The following POLH variants were observed in gnomAD, a reference collection of about 807,000 sequenced individuals.
The protein encoded by POLH is DNA polymerase eta, also known as DNA polymerase eta transcript.
In POLH, 53 loss-of-function variants were observed where a neutral mutation model predicts 73.6. That is an observed-to-expected ratio of 0.72 (90% CI 0.58 to 0.91). The LOEUF (loss-of-function observed/expected upper bound fraction) is 0.91. Among genes scored for constraint, POLH ranks in the 40% least tolerant of loss-of-function variants. POLH has a pLI of 0.00. For synonymous variants in POLH, 292 were observed against 308.5 expected (o/e 0.95, Z 0.56); for missense variants, 768 against 865.4 (o/e 0.89, Z 1.41).
chr6:43,578,259 C>T (rs1431886119), intron 1 of POLH, among the ~76,000 whole-genome samples: 3 of 152,110 alleles, frequency 2.0e-5, no homozygotes, highest in East Asian at 1.9e-4. Flanking sequence ...TGGTGGCGTG[C>T]GCCTGTAATC....
chr6:43,590,931 A>G (rs1184138168), intron 4 of POLH: 1 of 151,346 alleles, frequency 6.6e-6, no homozygotes, highest in Non-Finnish European at 1.5e-5. Flanking sequence ...GTCTCAAAAA[A>G]AAAAAAGAAA....
At chr6:43,578,994 C>T (rs543813071) in intron 1 of POLH, among the ~76,000 whole-genome samples, 4 of 152,288 alleles carry the variant, frequency 2.6e-5, no homozygotes, top group South Asian at 4.1e-4. Context: ...TACCTATTGC[C>T]TTCATAAAAT....
chr6:43,576,698 G>T (rs796547160), intron 1 of POLH, among the ~76,000 whole-genome samples: 1 of 152,190 alleles, frequency 6.6e-6, no homozygotes, highest in African/African-American at 2.4e-5. Flanking sequence ...AACTTGTTTT[G>T]TGCGGATTGG....
rs548518016 is a variant in POLH, at chr6:43,584,668, A to G, written c.272+1527A>G. Among the ~76,000 whole-genome samples, 235 of 152,180 alleles carry G rather than the reference A, an allele frequency of 1.5e-3. 1 individual carries two copies. Among genetic ancestry groups the G allele is most frequent in the Non-Finnish European group, 2.9e-3 (197 of 68,024 alleles). On this transcript the variant is annotated intron_variant, in intron 3 of 10. Coordinates refer to ENST00000372236, the MANE Select transcript of POLH (RefSeq NM_006502.3). Reference sequence around the variant, plus strand: ...TCAGATTCCACATGTTGAGGGCTCAATACCACAAGAACACCCCCTCCTTCC... The same window carrying G: ...TCAGATTCCACATGTTGAGGGCTCAGTACCACAAGAACACCCCCTCCTTCC...
At chr6:43,581,988 A>C (rs913302480) in intron 1 of POLH, among the ~76,000 whole-genome samples, 2 of 152,208 alleles carry the variant, frequency 1.3e-5, no homozygotes, top group Non-Finnish European at 2.9e-5. Flanking sequence ...TCCAAAATCC[A>C]AAAAATTTTT....
At chr6:43,577,839 C>G (rs1256883338) in intron 1 of POLH, among the ~76,000 whole-genome samples, 1 of 152,070 alleles carries the variant, frequency 6.6e-6, no homozygotes, top group Admixed American at 6.6e-5. Flanking sequence ...AATCCCAGCA[C>G]TTTGGGAGGC....
chr6:43,580,977 GCCGGGCGGGGGGCTGA>G (rs1396969897), intron 1 of POLH, among the ~76,000 whole-genome samples: 1 of 146,244 alleles, frequency 6.8e-6, no homozygotes, highest in African/African-American at 2.6e-5. Flanking sequence ...GGGGCGGCTG[GCCGGGCGGGGGGCTGA>G]CCCCCCCCCA....
Position 43,582,469 on chromosome 6 carries a change from G to T in POLH, c.137+13G>T. ...GGAAGGGTGGTGGGTATGTATCATT[G>T]TTATTGTCACAACTATTCAATGGTA... On this transcript the variant is annotated intron_variant, in intron 2 of 10. Coordinates refer to ENST00000372236, the MANE Select transcript of POLH (RefSeq NM_006502.3). The T allele has an allele frequency of 6.2e-7, 1 of 1,612,564 alleles. No individual in the cohort carries two copies. Among genetic ancestry groups the T allele is most frequent in the Non-Finnish European group, 8.5e-7 (1 of 1,178,584 alleles).
chr6:43,586,716 A>G (rs1764862839), intron 3 of POLH, among the ~76,000 whole-genome samples: 1 of 152,262 alleles, frequency 6.6e-6, no homozygotes, highest in South Asian at 2.1e-4. Flanking sequence ...ATGTGTGTGT[A>G]TGTGGTGATG....
chr6:43,584,304 A>ATTCTAT (rs1459574392), intron 3 of POLH, among the ~76,000 whole-genome samples: 20 of 152,170 alleles, frequency 1.3e-4, no homozygotes, highest in Admixed American at 3.3e-4. Context: ...TCTAATTCTA[A>ATTCTAT]TTCTATGAAT....
At position 43,614,173 on chromosome 6, in the gene POLH, A is replaced by G. The variant is rs1768170254; in HGVS notation, c.1758A>G (p.Glu586=). ...PVCEGVSKLE[E]SSKATPAEMD... ...GTGAAGGGGTGTCGAAGCTAGAAGA[A>G]TCCTCTAAAGCAACTCCTGCAGAGA... is the stretch of plus-strand genomic sequence containing the variant. The change falls in exon 11 of 11, where the codon GAA becomes GAG. Residue 586 remains glutamate, a synonymous_variant. Coordinates refer to ENST00000372236, the MANE Select transcript of POLH (RefSeq NM_006502.3). 5.0e-6 allele frequency: 8 copies of G among 1,614,168 alleles called. No individual in the cohort carries two copies. The South Asian group carries it at 8.8e-5, about 18-fold the overall frequency.
intron 1 of POLH, among the ~76,000 whole-genome samples, chr6:43,580,752 G>T (rs1480794978): frequency 1.5e-5 from 2 of 133,022 alleles, no homozygotes; most frequent in Non-Finnish European, 3.3e-5. Context: ...GGGGCGGCTG[G>T]CCGGGCGGGG....
chr6:43,585,774 T>C (rs1198719820), intron 3 of POLH, among the ~76,000 whole-genome samples: 2 of 151,472 alleles, frequency 1.3e-5, no homozygotes, highest in Non-Finnish European at 2.9e-5. Flanking sequence ...GCCTCCCGAG[T>C]AGCTGGGATT....
chr6:43,594,999 A>G (rs1220359944), intron 4 of POLH, among the ~76,000 whole-genome samples: 1 of 151,784 alleles, frequency 6.6e-6, no homozygotes, highest in Non-Finnish European at 1.5e-5. Context: ...GGAGTTTGAG[A>G]CCATCCTTGG....
chr6:43,587,375 C>A lies in POLH; in HGVS notation c.376C>A (p.Gln126Lys). The A allele has an allele frequency of 6.2e-7, 1 of 1,614,036 alleles. No individual in the cohort carries two copies. The highest frequency in any genetic ancestry group is 8.5e-7 in the Non-Finnish European group (1 of 1,179,862). Residue 126 changes from glutamine to lysine, a missense_variant, in exon 4 of 11, where the codon CAA (glutamine) becomes AAA (lysine). By Grantham distance (53) the Gln-to-Lys change is moderately conservative. Coordinates refer to ENST00000372236, the MANE Select transcript of POLH (RefSeq NM_006502.3). ...TTACGTAGATCTGACCAGTGCTGTACAAGAGAGACTACAAAAGCTACAAGG... is the reference window on the plus strand; with the variant it reads ...TTACGTAGATCTGACCAGTGCTGTAAAAGAGAGACTACAAAAGCTACAAGG... ...EAYVDLTSAV[Q>K]ERLQKLQGQP...
At chr6:43,601,254 T>C (rs1026354630) in intron 6 of POLH, among the ~76,000 whole-genome samples, 163 bp downstream of exon 6, 4 of 152,124 alleles carry the variant, frequency 2.6e-5, no homozygotes, top group Admixed American at 6.6e-5. Context: ...ACGCTGAGAC[T>C]TTTATTTTTA....
rs891405385 is a variant in POLH, at chr6:43,615,975, C to G, written c.*1418C>G. ...ATGTTAGCCACCGATCCTGGCCCCC[C>G]CAAAAAAAGGATTTTAAGAAAAACT... On this transcript the variant is annotated 3_prime_UTR_variant, in exon 11 of 11. Coordinates refer to ENST00000372236, the MANE Select transcript of POLH (RefSeq NM_006502.3). 5.3e-5 allele frequency among the ~76,000 whole-genome samples: 8 copies of G among 151,810 alleles called. No homozygotes were observed. Among genetic ancestry groups the G allele is most frequent in the Admixed American group, 2.6e-4 (4 of 15,250 alleles).
In POLH at chr6:43,619,031, T is replaced by G. The variant is rs913806188; in HGVS notation, c.*4474T>G. Among the ~76,000 whole-genome samples, 4 of 151,968 alleles carry G rather than the reference T, an allele frequency of 2.6e-5. No homozygotes were observed. Among genetic ancestry groups the G allele is most frequent in the Admixed American group, 6.6e-5 (1 of 15,242 alleles). The stretch of plus-strand genomic sequence containing the variant: ...GAAAACCACTAGATTTACCAGGAAA[T>G]TTTTTTCTTCAAAAATATTTTCTGC... On this transcript the variant is annotated 3_prime_UTR_variant, in exon 11 of 11. Transcript: ENST00000372236.
intron 4 of POLH, chr6:43,588,340 A>T (rs541495082): frequency 6.6e-6 from 1 of 152,006 alleles, no homozygotes; most frequent in African/African-American, 2.4e-5. Flanking sequence ...TATATCTTAG[A>T]TGTCTGTCTT....
Sources: allele counts gnomAD v4.1 joint callset (sites outside exome capture counted in the v4.1 genomes callset), GRCh38; gene constraint gnomAD v4.1.1; transcripts MANE v1.5; gene names NCBI Gene and HGNC (gene_info 2026-07-23, HGNC 2026-07-21).